DPP6: variants seen among roughly 807,000 people sequenced by gnomAD.
DPP6 encodes A-type potassium channel modulatory protein DPP6.
Under a neutral mutation model 122.6 loss-of-function variants are expected in DPP6, and 69 were observed. That is an observed-to-expected ratio of 0.56 (90% CI 0.46 to 0.69). DPP6 has a LOEUF of 0.69. DPP6 is among the 30% of genes least tolerant of loss of function. The probability of loss-of-function intolerance (pLI) is 0.00; values close to 1 mark genes in which losing one functional copy is unlikely to be tolerated. For missense variants in DPP6, 928 were observed against 1,116.9 expected (o/e 0.83, Z 2.41); for synonymous variants, 418 against 433.1 (o/e 0.97, Z 0.43).
At chr7:154,187,718 G>A (rs1798417764) in intron 1 of DPP6, among the ~76,000 whole-genome samples, 1 of 152,120 alleles carries the variant, frequency 6.6e-6, no homozygotes, top group Admixed American at 6.5e-5. Context: ...TTTGCCCAAA[G>A]TGGTCACTTC....
chr7:154,037,131 T>C (rs913110844), intron 1 of DPP6, among the ~76,000 whole-genome samples: 2 of 152,190 alleles, frequency 1.3e-5, no homozygotes, highest in Admixed American at 1.3e-4. Context: ...GTCATGTTAA[T>C]TATAAAATCA....
At chr7:154,693,906 T>C (rs985415426) in intron 7 of DPP6, among the ~76,000 whole-genome samples, 4 of 152,190 alleles carry the variant, frequency 2.6e-5, no homozygotes, top group Non-Finnish European at 5.9e-5. Flanking sequence ...GAGTAATAGA[T>C]GCATGCATAC....
intron 1 of DPP6, among the ~76,000 whole-genome samples, chr7:153,997,764 C>T (rs1797515074): frequency 6.7e-6 from 1 of 148,640 alleles, no homozygotes; most frequent in Non-Finnish European, 1.5e-5. Flanking sequence ...CTACATGCAG[C>T]ACTGCTGTTC....
intron 7 of DPP6, among the ~76,000 whole-genome samples, chr7:154,686,092 C>G (rs979406837): frequency 1.4e-4 from 3 of 22,020 alleles, no homozygotes; most frequent in African/African-American, 3.7e-4. Context: ...CACCACCATG[C>G]TAGGCACTCA....
At chr7:154,090,491 G>C (rs2533638) in intron 1 of DPP6, among the ~76,000 whole-genome samples, 1 of 152,036 alleles carries the variant, frequency 6.6e-6, no homozygotes, top group African/African-American at 2.4e-5. Flanking sequence ...ATTCCCATCC[G>C]TAACAGGAAG....
intron 25 of DPP6, chr7:154,891,082 A>G (rs561090238): frequency 2.6e-5 from 4 of 152,248 alleles, no homozygotes; most frequent in African/African-American, 9.6e-5. Context: ...TTTTTAGAAA[A>G]TAGCCGGACG....
At chr7:154,271,506 A>G (rs1294677139) in intron 1 of DPP6, among the ~76,000 whole-genome samples, 3 of 152,206 alleles carry the variant, frequency 2.0e-5, no homozygotes, top group Non-Finnish European at 4.4e-5. Flanking sequence ...AAGTCCCAGC[A>G]TGGACAGGAG....
chr7:154,751,456 A>G (rs2131464382), intron 8 of DPP6, among the ~76,000 whole-genome samples: 1 of 151,900 alleles, frequency 6.6e-6, no homozygotes, highest in Middle Eastern at 3.4e-3. Flanking sequence ...AAAAAAAAAA[A>G]AAAATTAGTC....
At position 154,521,270 on chromosome 7, in the gene DPP6, A is replaced by C. The variant is rs368799192; in HGVS notation, c.458-19262A>C. On this transcript the variant is annotated intron_variant, in intron 3 of 25. Coordinates refer to ENST00000377770, the MANE Select transcript of DPP6 (RefSeq NM_130797.4). ...TCTTTATTTCACCTTCACCCCTCTC[A>C]ACATTTGAAAGCCTACTTAACTCTA... is the stretch of plus-strand genomic sequence containing the variant. 3.9e-5 allele frequency among the ~76,000 whole-genome samples: 6 copies of C among 152,276 alleles called. 2 individuals carry two copies. Among genetic ancestry groups the C allele is most frequent in the African/African-American group, 1.4e-4 (6 of 41,554 alleles).
At chr7:154,797,661 A>G (rs1295286761) in intron 12 of DPP6, among the ~76,000 whole-genome samples, 2 of 152,182 alleles carry the variant, frequency 1.3e-5, no homozygotes, top group Non-Finnish European at 2.9e-5. Flanking sequence ...GGAACAGCTT[A>G]ATGAACAGGG....
intron 1 of DPP6, among the ~76,000 whole-genome samples, chr7:153,904,262 G>A (rs1453220227): frequency 6.6e-6 from 1 of 152,124 alleles, no homozygotes; most frequent in African/African-American, 2.4e-5. Flanking sequence ...GTGTTGGCCA[G>A]GCTGGTCTCG....
At chr7:154,666,140 A>G (rs1838135042) in intron 6 of DPP6, among the ~76,000 whole-genome samples, 1 of 150,484 alleles carries the variant, frequency 6.6e-6, no homozygotes, top group Admixed American at 6.6e-5. Context: ...CCTTTCTTCT[A>G]TGATATATAA....
intron 5 of DPP6, chr7:154,588,325 C>T (rs1832603592): frequency 1.7e-6 from 1 of 597,082 alleles, no homozygotes; most frequent in Non-Finnish European, 2.7e-6. Context: ...GAGACTGGCT[C>T]TCCTGGATTC....
At chr7:154,410,677 G>A (rs1489183927) in intron 1 of DPP6, among the ~76,000 whole-genome samples, 2 of 152,188 alleles carry the variant, frequency 1.3e-5, no homozygotes, top group Non-Finnish European at 2.9e-5. Flanking sequence ...GATGTTAAGA[G>A]CAAAATGGAT....
chr7:154,033,809 T>G lies in DPP6; in HGVS notation c.51+146075T>G, dbSNP rs544805629. Among the ~76,000 whole-genome samples the G allele has an allele frequency of 9.2e-5, 14 of 151,690 alleles. No homozygotes were observed. The South Asian group carries it at 2.9e-3, about 32-fold the overall frequency. On this transcript the variant is annotated intron_variant, in intron 1 of 25. Transcript: ENST00000404039. ...CAAAGTGCTGATACCAAATGCCTCT[T>G]CTTACTTGGTGCCCACTCCTCTGCA...
At chr7:154,276,597 C>A (rs1298623213) in intron 1 of DPP6, among the ~76,000 whole-genome samples, 1 of 152,152 alleles carries the variant, frequency 6.6e-6, no homozygotes, top group Non-Finnish European at 1.5e-5. Context: ...GGGACCTCTG[C>A]TCAGCTTTAA....
intron 1 of DPP6, among the ~76,000 whole-genome samples, chr7:153,907,010 T>C (rs1255434320): frequency 6.6e-6 from 1 of 152,232 alleles, no homozygotes; most frequent in Non-Finnish European, 1.5e-5. Flanking sequence ...TTCCTTTGCA[T>C]AGATACCCAG....
At chr7:153,782,112 C>T in the DPP6 span, among the ~76,000 whole-genome samples, 1 of 151,792 alleles carries the variant, frequency 6.6e-6, no homozygotes, top group Non-Finnish European at 1.5e-5. Context: ...CATTTATGGG[C>T]ATCATGCTGT....
At chr7:153,837,259 GT>G in the DPP6 span, among the ~76,000 whole-genome samples, 9 of 151,370 alleles carry the variant, frequency 5.9e-5, no homozygotes, top group South Asian at 6.3e-4. Context: ...CTAAAAATGT[GT>G]TTTTTTTTGT....
Sources: allele counts gnomAD v4.1 joint callset (sites outside exome capture counted in the v4.1 genomes callset), GRCh38; gene constraint gnomAD v4.1.1; transcripts MANE v1.5; gene names NCBI Gene and HGNC (gene_info 2026-07-23, HGNC 2026-07-21).